The following SLC9A9 variants were observed in gnomAD, a reference collection of about 807,000 sequenced individuals.
SLC9A9 encodes solute carrier family 9 member A9.
Under a neutral mutation model 77.8 loss-of-function variants are expected in SLC9A9, and 62 were observed. That is an observed-to-expected ratio of 0.80 (90% CI 0.65 to 0.98). The LOEUF (loss-of-function observed/expected upper bound fraction) is 0.98, where lower values mean the gene tolerates loss of function less well. SLC9A9 is among the 50% of genes least tolerant of loss of function. SLC9A9 has a pLI of 0.00. For missense variants in SLC9A9, 775 were observed against 774.9 expected, an observed-to-expected ratio of 1.00 and a Z score of 0.00; for synonymous variants, 320 against 283.5, an observed-to-expected ratio of 1.13 and a Z score of -1.29.
intron 4 of SLC9A9, among the ~76,000 whole-genome samples, chr3:143,756,629 G>A (rs57749900): frequency 0.027 from 4,124 of 152,274 alleles, 197 homozygotes; most frequent in African/African-American, 0.094. Flanking sequence ...ATGTTGTTTT[G>A]TTGGATAGAT....
intron 2 of SLC9A9, among the ~76,000 whole-genome samples, chr3:143,820,673 T>A (rs1299875963): frequency 6.6e-6 from 1 of 152,104 alleles, no homozygotes; most frequent in East Asian, 1.9e-4. Flanking sequence ...AAATAACAGG[T>A]GCAAGTGAGA....
chr3:143,656,393 G>T (rs913970497), intron 5 of SLC9A9, among the ~76,000 whole-genome samples: 2 of 152,000 alleles, frequency 1.3e-5, no homozygotes, highest in Non-Finnish European at 2.9e-5. Context: ...ATGACTACAT[G>T]ACTCCATGAG....
chr3:143,602,618 T>C (rs1219763270), intron 6 of SLC9A9, among the ~76,000 whole-genome samples: 1 of 152,212 alleles, frequency 6.6e-6, no homozygotes, highest in African/African-American at 2.4e-5. Context: ...GACTAGGAAA[T>C]ATAGACACAA....
At chr3:143,544,154 C>A (rs937461407) in intron 9 of SLC9A9, among the ~76,000 whole-genome samples, 6 of 152,272 alleles carry the variant, frequency 3.9e-5, no homozygotes, top group East Asian at 1.9e-4. Context: ...TGTTTCTTGG[C>A]CACTTGTATG....
At chr3:143,733,548 C>T (rs1934862848) in intron 4 of SLC9A9, among the ~76,000 whole-genome samples, 1 of 152,008 alleles carries the variant, frequency 6.6e-6, no homozygotes, top group Admixed American at 6.6e-5. Flanking sequence ...TAGGTGGGGC[C>T]TACCTTGGGA....
intron 8 of SLC9A9, among the ~76,000 whole-genome samples, chr3:143,560,039 A>G (rs1043867990): frequency 6.6e-6 from 1 of 152,146 alleles, no homozygotes; most frequent in African/African-American, 2.4e-5. Flanking sequence ...TCCTCTCCAT[A>G]TATCAGAAGC....
At chr3:143,413,063 C>A (rs1485026556) in intron 12 of SLC9A9, among the ~76,000 whole-genome samples, 1 of 152,182 alleles carries the variant, frequency 6.6e-6, no homozygotes, top group African/African-American at 2.4e-5. Flanking sequence ...ACAGGAGGAA[C>A]TTCTAATTAT....
chr3:143,459,117 G>T (rs7620055), intron 12 of SLC9A9, among the ~76,000 whole-genome samples: 1,823 of 149,562 alleles, frequency 0.012, 37 homozygotes, highest in African/African-American at 0.042. Context: ...TTTCTCTACA[G>T]TTTTTTTTTC....
chr3:143,502,272 G>C (rs2035934995), intron 9 of SLC9A9, among the ~76,000 whole-genome samples: 1 of 150,944 alleles, frequency 6.6e-6, no homozygotes, highest in South Asian at 2.1e-4. Flanking sequence ...AAGGGGCAGG[G>C]GGGAAGCAAG....
chr3:143,399,219 G>A (rs1456433827), intron 12 of SLC9A9, among the ~76,000 whole-genome samples: 2 of 152,054 alleles, frequency 1.3e-5, no homozygotes, highest in Non-Finnish European at 2.9e-5. Context: ...GGTAAGCTAG[G>A]AAGCTGCTAC....
intron 2 of SLC9A9, among the ~76,000 whole-genome samples, chr3:143,803,707 A>C (rs2008631298): frequency 6.6e-6 from 1 of 151,976 alleles, no homozygotes; most frequent in African/African-American, 2.4e-5. Context: ...CACGCTATCA[A>C]CCTTACTCAC....
chr3:143,495,308 C>T (rs761880877), intron 10 of SLC9A9, 27 bp downstream of exon 10: 1 of 1,522,150 alleles, frequency 6.6e-7, no homozygotes. Context: ...TCTCTAATCA[C>T]CCCATGTTCT....
At chr3:143,493,004 T>C (rs558185409) in intron 11 of SLC9A9, among the ~76,000 whole-genome samples, 3 of 152,282 alleles carry the variant, frequency 2.0e-5, no homozygotes, top group African/African-American at 7.2e-5. Flanking sequence ...GAAAATTCAT[T>C]TGGTTTATTT....
intron 5 of SLC9A9, among the ~76,000 whole-genome samples, chr3:143,685,006 A>AATAAT (rs1464700452): frequency 6.6e-6 from 1 of 152,066 alleles, no homozygotes; most frequent in East Asian, 1.9e-4. Context: ...CAGTATTTCT[A>AATAAT]TTAAGGGTCA....
chr3:143,661,111 G>A lies in SLC9A9; in HGVS notation c.650-8751C>T, dbSNP rs562858687. The stretch of plus-strand genomic sequence containing the variant: ...CGGTGAAGAATTGGTGATGAGATGG[G>A]AATGGTGAAGTCCAAACTAGGATGG... On this transcript the variant is annotated intron_variant, in intron 5 of 15. Transcript: ENST00000316549. Among the ~76,000 whole-genome samples, 15 of 152,272 alleles carry A rather than the reference G, an allele frequency of 9.9e-5. No homozygotes were observed. The South Asian group carries it at 2.9e-3, about 29-fold the overall frequency.
intron 11 of SLC9A9, among the ~76,000 whole-genome samples, chr3:143,492,595 G>A (rs1438174683): frequency 6.6e-6 from 1 of 152,196 alleles, no homozygotes; most frequent in Non-Finnish European, 1.5e-5. Context: ...GAATCTCACA[G>A]ACCTGGGTTC....
intron 13 of SLC9A9, among the ~76,000 whole-genome samples, chr3:143,372,345 G>A (rs543715368): frequency 1.3e-5 from 2 of 152,170 alleles, no homozygotes; most frequent in Admixed American, 6.5e-5. Flanking sequence ...AAAACAGCAC[G>A]GTACTGGTAT....
At chr3:143,423,215 GTACACACACACACA>G (rs1559909436) in intron 12 of SLC9A9, among the ~76,000 whole-genome samples, 1 of 57,596 alleles carries the variant, frequency 1.7e-5, no homozygotes, top group Non-Finnish European at 3.8e-5. Flanking sequence ...TCACACACAC[GTACACACACACACA>G]CGTGTACACA....
chr3:143,270,673 A>G (rs1937871617), intron 14 of SLC9A9, among the ~76,000 whole-genome samples: 2 of 145,824 alleles, frequency 1.4e-5, no homozygotes, highest in Non-Finnish European at 3.0e-5. Context: ...TAGTGATGTC[A>G]TGTTAAAAGA....
Sources: gnomAD v4.1 joint callset for allele counts (sites outside exome capture counted in the v4.1 genomes callset) on GRCh38, gnomAD v4.1.1 for gene constraint, MANE v1.5 for transcripts, NCBI Gene and HGNC (gene_info 2026-07-23, HGNC 2026-07-21) for gene names.